The following ASB13 variants were observed in gnomAD, a reference collection of about 807,000 sequenced individuals.
ASB13 encodes ankyrin repeat and SOCS box protein 13.
ASB13 carries 33 observed loss-of-function variants against 28.8 expected under a neutral mutation model. The observed-to-expected ratio is 1.15, with a 90% CI of 0.87 to 1.53. The LOEUF is 1.53. Among genes scored for constraint, ASB13 ranks in the 40% most tolerant of loss-of-function variants. The pLI is 0.00. For missense variants in ASB13, 414 were observed against 390.1 expected (o/e 1.06, Z -0.52); for synonymous variants, 182 against 172.9 (o/e 1.05, Z -0.41).
At position 5,652,225 on chromosome 10, in the gene ASB13, T is replaced by C. The variant is rs900369033; in HGVS notation, c.231+638A>G. Among the ~76,000 whole-genome samples the C allele has an allele frequency of 1.3e-5, 2 of 152,132 alleles. No individual in the cohort carries two copies. Among genetic ancestry groups the C allele is most frequent in the African/African-American group, 4.8e-5 (2 of 41,426 alleles). ...TGGGTACACACTGAAATCGGTTCCATTCCAACCTTTTGGGAAGAGTAAACA... is the reference window on the plus strand; with the variant it reads ...TGGGTACACACTGAAATCGGTTCCACTCCAACCTTTTGGGAAGAGTAAACA... On this transcript the variant is annotated intron_variant, in intron 2 of 5. Transcript: ENST00000357700. This position sits in a 1 kb window ranked among gnomAD's most constrained non-coding sequence, Gnocchi z 5.0.
chr10:5,652,227 C>G lies in ASB13; in HGVS notation c.231+636G>C, dbSNP rs372941335. Among the ~76,000 whole-genome samples the G allele has an allele frequency of 4.6e-5, 7 of 152,156 alleles. No individual in the cohort carries two copies. In the East Asian group the frequency reaches 5.8e-4, roughly 13 times the overall value. Reference sequence around the variant, plus strand: ...GGTACACACTGAAATCGGTTCCATTCCAACCTTTTGGGAAGAGTAAACAGT... The same window carrying G: ...GGTACACACTGAAATCGGTTCCATTGCAACCTTTTGGGAAGAGTAAACAGT... On this transcript the variant is annotated intron_variant, in intron 2 of 5. Coordinates refer to ENST00000357700, the MANE Select transcript of ASB13 (RefSeq NM_024701.4). The surrounding 1 kb of genome is among the most constrained non-coding windows in gnomAD (Gnocchi z 5.0).
At chr10:5,662,233 G>A (rs967513305) in intron 1 of ASB13, among the ~76,000 whole-genome samples, 3 of 151,946 alleles carry the variant, frequency 2.0e-5, no homozygotes, top group African/African-American at 4.8e-5. Flanking sequence ...AATGCTGGAC[G>A]ATGGGCTGGG....
In ASB13 at chr10:5,656,208, G is replaced by C. The variant is rs976692546; in HGVS notation, c.44-3158C>G. On this transcript the variant is annotated intron_variant, in intron 1 of 5. Coordinates refer to ENST00000357700, the MANE Select transcript of ASB13 (RefSeq NM_024701.4). The surrounding 1 kb of genome is among the most constrained non-coding windows in gnomAD (Gnocchi z 4.3). ...ATCCACGTGGTTGCTCAGTGAGTGA[G>C]TGGATGAGTAAATGAATGGAAGGAG... 8.5e-5 allele frequency among the ~76,000 whole-genome samples: 13 copies of C among 152,206 alleles called. No individual in the cohort carries two copies. The highest frequency in any genetic ancestry group is 3.1e-4 in the African/African-American group (13 of 41,462).
At chr10:5,657,641 CAT>C (rs1257251059) in intron 1 of ASB13, among the ~76,000 whole-genome samples, 1 of 152,182 alleles carries the variant, frequency 6.6e-6, no homozygotes, top group East Asian at 1.9e-4. Context: ...CATAGGATAT[CAT>C]ATGATCCAGC....
rs527495642 is a variant in ASB13 at position 5,650,136 on chromosome 10, C to T, written c.383-1032G>A. Among the ~76,000 whole-genome samples, 7 of 152,230 alleles carry T rather than the reference C, an allele frequency of 4.6e-5. No homozygotes were observed. The highest frequency in any genetic ancestry group is 1.9e-4 in the East Asian group (1 of 5,178). ...TGACCTCTTGAGCCTCCCCTTCATACGAAATCCTATGGATTCCTTCCCCAA... is the reference window on the plus strand; with the variant it reads ...TGACCTCTTGAGCCTCCCCTTCATATGAAATCCTATGGATTCCTTCCCCAA... On this transcript the variant is annotated intron_variant, in intron 3 of 5. Transcript: ENST00000357700. The surrounding 1 kb of genome is among the most constrained non-coding windows in gnomAD (Gnocchi z 6.0).
At position 5,652,361 on chromosome 10, in the gene ASB13, C is replaced by T. The variant is rs1468700123; in HGVS notation, c.231+502G>A. 2.0e-5 allele frequency among the ~76,000 whole-genome samples: 3 copies of T among 152,212 alleles called. No homozygotes were observed. Among genetic ancestry groups the T allele is most frequent in the Non-Finnish European group, 4.4e-5 (3 of 68,046 alleles). ...GCCAGTGTTTGCCAGCTCGGGAGAG[C>T]TGGCTGCCAATGTGCCAGGAATTCT... On this transcript the variant is annotated intron_variant, in intron 2 of 5. Coordinates refer to ENST00000357700, the MANE Select transcript of ASB13 (RefSeq NM_024701.4). This position sits in a 1 kb window ranked among gnomAD's most constrained non-coding sequence, Gnocchi z 5.0.
At position 5,643,473 on chromosome 10, in the gene ASB13, C is replaced by T. The variant is rs765027772; in HGVS notation, c.518-1512G>A. Among the ~76,000 whole-genome samples, 49 of 152,300 alleles carry T rather than the reference C, an allele frequency of 3.2e-4. No homozygotes were observed. In the Middle Eastern group the frequency reaches 0.014, roughly 42 times the overall value. On this transcript the variant is annotated intron_variant, in intron 4 of 5. Transcript: ENST00000357700. ...ATTTAAGAAAGTTCTTTCCACTTCC[C>T]GCAGCCAAAACTCAGAAGTCAGAAC...
At chr10:5,666,006 C>T (rs9424166) in intron 1 of ASB13, among the ~76,000 whole-genome samples, 35,414 of 152,118 alleles carry the variant, frequency 0.23, 4,282 homozygotes, top group Middle Eastern at 0.38. Context: ...CCCAAGGCCA[C>T]CTTCACTGGA....
rs575850487 is a variant in ASB13, at chr10:5,641,795, G to A, written c.684C>T (p.Pro228=). 24 of 1,604,588 alleles carry A rather than the reference G, an allele frequency of 1.5e-5. 1 individual carries two copies. The highest frequency in any genetic ancestry group is 9.3e-5 in the African/African-American group (7 of 74,944). The change falls in exon 5 of 6, where the codon CCC becomes CCT. Residue 228 remains proline, a synonymous_variant. Coordinates refer to ENST00000357700, the MANE Select transcript of ASB13 (RefSeq NM_024701.4). The surrounding 1 kb of genome is among the most constrained non-coding windows in gnomAD (Gnocchi z 8.4). ...PSDYTWSSSA[P]AKCFEYYEKT... ...TTTCGTAGTACTCGAAGCACTTGGC[G>A]GGAGCGCTGCTGCTCCACGTGTAGT...
At chr10:5,662,946 T>C (rs1298413896) in intron 1 of ASB13, among the ~76,000 whole-genome samples, 1 of 152,182 alleles carries the variant, frequency 6.6e-6, no homozygotes, top group Non-Finnish European at 1.5e-5. Flanking sequence ...AAAAAAAATA[T>C]GGATCTTTAT....
Position 5,642,642 on chromosome 10 carries a change from G to A in ASB13, c.518-681C>T. ...TGCAAGGAATTAGTAGCTAAATATG[G>A]CTGGTTTTGGGTTTTTTTTTTTGAG... On this transcript the variant is annotated intron_variant, in intron 4 of 5. Coordinates refer to ENST00000357700, the MANE Select transcript of ASB13 (RefSeq NM_024701.4). This position sits in a 1 kb window ranked among gnomAD's most constrained non-coding sequence, Gnocchi z 4.1. The A allele has an allele frequency of 1.9e-6, 1 of 516,972 alleles. No individual in the cohort carries two copies. The highest frequency in any genetic ancestry group is 8.6e-5 in the East Asian group (1 of 11,592). The allele number at this position is 516,972 out of a possible 1,614,324, so 32.0% of individuals were successfully genotyped here. A position where few individuals can be genotyped will look rare whatever the true frequency, so the allele number is the denominator to read the frequency against.
rs1383381887 is a variant in ASB13 at position 5,640,558 on chromosome 10, A to C, written c.*145T>G. The C allele has an allele frequency of 1.9e-6, 2 of 1,036,450 alleles. No individual in the cohort carries two copies. Among genetic ancestry groups the C allele is most frequent in the Non-Finnish European group, 2.8e-6 (2 of 715,564 alleles). 64.2% of individuals were successfully genotyped at this position (1,036,450 alleles called of 1,614,324 possible). A position where few individuals can be genotyped will look rare whatever the true frequency, so the allele number is the denominator to read the frequency against. On this transcript the variant is annotated 3_prime_UTR_variant, in exon 6 of 6. Transcript: ENST00000357700. ...AACATTATCCAGGATCCAGGAGAGAAGCCTAAACAGGATCGCAGGAAGGGA... is the reference window on the plus strand; with the variant it reads ...AACATTATCCAGGATCCAGGAGAGACGCCTAAACAGGATCGCAGGAAGGGA...
At chr10:5,643,945 G>A (rs1834845152) in intron 4 of ASB13, among the ~76,000 whole-genome samples, 1 of 152,226 alleles carries the variant, frequency 6.6e-6, no homozygotes. Context: ...CTCCACAGAC[G>A]AGGCCTTGGC....
At chr10:5,662,608 G>GAAGAGAAGAA (rs1835192800) in intron 1 of ASB13, among the ~76,000 whole-genome samples, 11 of 147,644 alleles carry the variant, frequency 7.5e-5, no homozygotes, top group Non-Finnish European at 9.0e-5. Flanking sequence ...GAAGAGAAGA[G>GAAGAGAAGAA]AAGAGAAGAG....
chr10:5,659,454 G>A lies in ASB13; in HGVS notation c.44-6404C>T, dbSNP rs752349155. ...CACAGGCCCTGTCCCCAGGCTCCCC[G>A]TCATGCACACAGCCGTGTCCAGTGA... On this transcript the variant is annotated intron_variant, in intron 1 of 5. Coordinates refer to ENST00000357700, the MANE Select transcript of ASB13 (RefSeq NM_024701.4). This position sits in a 1 kb window ranked among gnomAD's most constrained non-coding sequence, Gnocchi z 5.8. 5.9e-5 allele frequency among the ~76,000 whole-genome samples: 9 copies of A among 152,100 alleles called. No homozygotes were observed. The highest frequency in any genetic ancestry group is 8.8e-5 in the Non-Finnish European group (6 of 68,012).
In ASB13 at chr10:5,666,509, C is replaced by A; in HGVS notation, c.43G>T (p.Gly15Cys). 1 of 1,289,190 alleles carries A rather than the reference C, an allele frequency of 7.8e-7. No individual in the cohort carries two copies. The highest frequency in any genetic ancestry group is 9.9e-7 in the Non-Finnish European group (1 of 1,013,694). The allele number at this position is 1,289,190 out of a possible 1,614,324, so 79.9% of individuals were successfully genotyped here. ...AADGCFLGDV[G>C]FWVERTPVHE... The stretch of plus-strand genomic sequence containing the variant: ...TGACCTCCGCGGCGCCCGCACGTAC[C>A]CACGTCGCCCAGGAAGCAGCCGTCC... The change falls in exon 1 of 6, where the codon GGT becomes TGT. Residue 15 changes from glycine (G) to cysteine (C), a missense_variant and splice_region_variant. Coordinates refer to ENST00000357700, the MANE Select transcript of ASB13 (RefSeq NM_024701.4).
rs1835061580 is a variant in ASB13 at position 5,655,797 on chromosome 10, G to C, written c.44-2747C>G. 6.6e-6 allele frequency among the ~76,000 whole-genome samples: 1 copy of C among 152,142 alleles called. No homozygotes were observed. The highest frequency in any genetic ancestry group is 6.5e-5 in the Admixed American group (1 of 15,280). ...AGAGGCTGCCACTTGAAAAAGAAGA[G>C]GAAGGCAGGGTAAGGCCTAGGTCTT... On this transcript the variant is annotated intron_variant, in intron 1 of 5. Transcript: ENST00000357700. This position sits in a 1 kb window ranked among gnomAD's most constrained non-coding sequence, Gnocchi z 6.2.
chr10:5,651,123 A>G lies in ASB13; in HGVS notation c.382+90T>C. On this transcript the variant is annotated intron_variant, in intron 3 of 5. Transcript: ENST00000357700. The surrounding 1 kb of genome is among the most constrained non-coding windows in gnomAD (Gnocchi z 5.1). ...CAGCCAAGGGCTCCCAATTCTGTCT[A>G]CTCTGCTTCCTTCCCTAAGTCCCTT... 1 of 1,469,200 alleles carries G rather than the reference A, an allele frequency of 6.8e-7. No individual in the cohort carries two copies. The allele number at this position is 1,469,200 out of a possible 1,614,324, so 91.0% of individuals were successfully genotyped here.
At position 5,652,947 on chromosome 10, in the gene ASB13, G is replaced by T; in HGVS notation, c.147C>A (p.Thr49=). The T allele has an allele frequency of 6.3e-7, 1 of 1,579,948 alleles. No homozygotes were observed. The highest frequency in any genetic ancestry group is 2.3e-5 in the East Asian group (1 of 43,438). ...CGTGCAGGGGCGTGATGGAGTCCAC[G>T]GTGACCTGGTTCACGCAGGCGCCGC... ...IESGACVNQV[T]VDSITPLHAA... The change falls in exon 2 of 6, where the codon ACC becomes ACA. Residue 49 remains threonine (T), a synonymous_variant. Transcript: ENST00000357700. This position sits in a 1 kb window ranked among gnomAD's most constrained non-coding sequence, Gnocchi z 5.0.
Sources: allele counts gnomAD v4.1 joint callset (sites outside exome capture counted in the v4.1 genomes callset), GRCh38; gene constraint gnomAD v4.1.1; non-coding constraint Gnocchi (gnomAD v3.1); transcripts MANE v1.5; gene names NCBI Gene and HGNC (gene_info 2026-07-23, HGNC 2026-07-21).